Variants in SRP54 observed in about 807,000 individuals in gnomAD.
SRP54 encodes the protein signal recognition particle 54.
SRP54 carries 10 observed loss-of-function variants against 64.8 expected under a neutral mutation model. The observed-to-expected ratio is 0.15, with a 90% CI of 0.10 to 0.26. The LOEUF (loss-of-function observed/expected upper bound fraction) is 0.26. SRP54 is among the 10% of genes least tolerant of loss of function. SRP54 has a pLI of 1.00. For synonymous variants in SRP54, 193 were observed against 185.6 expected (o/e 1.04, Z -0.32); for missense variants, 325 against 613.7 (o/e 0.53, Z 4.97).
At chr14:34,996,219 C>T (rs1018460098) in intron 1 of SRP54, among the ~76,000 whole-genome samples, 1 of 151,932 alleles carries the variant, frequency 6.6e-6, no homozygotes, top group Non-Finnish European at 1.5e-5. Flanking sequence ...TTATTAAAAC[C>T]TTTTTTCTTT....
chr14:34,994,407 G>C (rs2044033297), intron 1 of SRP54, among the ~76,000 whole-genome samples: 1 of 152,162 alleles, frequency 6.6e-6, no homozygotes, highest in Non-Finnish European at 1.5e-5. Context: ...TACCAAAACA[G>C]TTGTTTTGAA....
chr14:34,988,292 G>A (rs8004112), intron 1 of SRP54, among the ~76,000 whole-genome samples: 4 of 151,430 alleles, frequency 2.6e-5, no homozygotes, highest in Non-Finnish European at 4.4e-5. Context: ...AGCTGGGTGC[G>A]GTGGTTCACG....
chr14:35,014,621 A>T, intron 10 of SRP54, 123 bp from the exon 11 acceptor site: 1 of 714,836 alleles, frequency 1.4e-6, no homozygotes, highest in Non-Finnish European at 2.3e-6. Flanking sequence ...TCATTTGTGT[A>T]GTGTAGTAAG....
chr14:35,011,674 A>G lies in SRP54; in HGVS notation c.636+15A>G, dbSNP rs753737708. 28 of 1,505,320 alleles carry G rather than the reference A, an allele frequency of 1.9e-5. No individual in the cohort carries two copies. Among genetic ancestry groups the G allele is most frequent in the Middle Eastern group, 1.9e-4 (1 of 5,210 alleles). 93.2% of individuals were successfully genotyped at this position (1,505,320 alleles called of 1,614,324 possible). On this transcript the variant is annotated intron_variant, in intron 8 of 15. Coordinates refer to ENST00000216774, the MANE Select transcript of SRP54 (RefSeq NM_003136.4). ...CTAATGCTATAGTAAGTAGCTTTCAATGTAACACTATTATTAGGACTTTGG... is the reference window on the plus strand; with the variant it reads ...CTAATGCTATAGTAAGTAGCTTTCAGTGTAACACTATTATTAGGACTTTGG...
Position 34,995,134 on chromosome 14 carries a change from GGTGTGTGTGTGTGT to G in SRP54, c.-33-1502_-33-1489del, listed in dbSNP as rs35829734. ...TTCCAGAGAAGCAGAATCAATAAAG[GGTGTGTGTGTGTGT>G]GTGTGTGTGTGTGTGTGTGTGTGTG... is the stretch of plus-strand genomic sequence containing the variant. On this transcript the variant is annotated intron_variant, in intron 1 of 15. Coordinates refer to ENST00000216774, the MANE Select transcript of SRP54 (RefSeq NM_003136.4). Among the ~76,000 whole-genome samples, 110 of 70,328 alleles carry G rather than the reference GGTGTGTGTGTGTGT, an allele frequency of 1.6e-3. 1 individual carries two copies. Among genetic ancestry groups the G allele is most frequent in the Admixed American group, 5.0e-3 (31 of 6,196 alleles). The allele number at this position is 70,328 out of a possible 152,430, so 46.1% of individuals were successfully genotyped here.
intron 10 of SRP54, among the ~76,000 whole-genome samples, chr14:35,014,478 C>T (rs1479299321): frequency 6.6e-6 from 1 of 151,932 alleles, no homozygotes; most frequent in Non-Finnish European, 1.5e-5. Flanking sequence ...CGGGGTTTCA[C>T]CATGTTGGCC....
At position 35,024,454 on chromosome 14, in the gene SRP54, A is replaced by G. The variant is rs139149375; in HGVS notation, c.1327+1374A>G. ...AATCACCTCTTCATGTTCCCTGTCC[A>G]GTTCTTCCATTTTTCCCCCTTATAT... On this transcript the variant is annotated intron_variant, in intron 14 of 15. Coordinates refer to ENST00000216774, the MANE Select transcript of SRP54 (RefSeq NM_003136.4). Among the ~76,000 whole-genome samples, 510 of 152,132 alleles carry G rather than the reference A, an allele frequency of 3.4e-3. 3 individuals are homozygous for G. The highest frequency in any genetic ancestry group is 0.011 in the African/African-American group (446 of 41,488).
chr14:35,015,514 A>C (rs1029258411), intron 11 of SRP54, among the ~76,000 whole-genome samples: 1 of 152,242 alleles, frequency 6.6e-6, no homozygotes, highest in African/African-American at 2.4e-5. Flanking sequence ...AGGTTCTTAA[A>C]TATAACATAC....
At chr14:35,010,412 C>G (rs1249842151) in intron 7 of SRP54, among the ~76,000 whole-genome samples, 2 of 152,070 alleles carry the variant, frequency 1.3e-5, no homozygotes, top group Non-Finnish European at 2.9e-5. Context: ...CATCATTGCA[C>G]TCCACCATGG....
intron 8 of SRP54, among the ~76,000 whole-genome samples, chr14:35,012,847 T>A (rs2044376396): frequency 6.6e-6 from 1 of 152,154 alleles, no homozygotes; most frequent in South Asian, 2.1e-4. Context: ...CTCATTTACC[T>A]TTTTGTTCTC....
chr14:35,023,492 C>T (rs773220989), intron 14 of SRP54, among the ~76,000 whole-genome samples: 3 of 151,906 alleles, frequency 2.0e-5, no homozygotes, highest in Non-Finnish European at 4.4e-5. Context: ...TTCTTCAAAA[C>T]ATAATTCTTG....
intron 1 of SRP54, among the ~76,000 whole-genome samples, 191 bp downstream of exon 1, chr14:34,983,406 C>T (rs1287265241): frequency 1.3e-5 from 2 of 152,198 alleles, no homozygotes; most frequent in Non-Finnish European, 2.9e-5. Flanking sequence ...CGCTGTGCCC[C>T]TTTTGAGTTG....
intron 14 of SRP54, among the ~76,000 whole-genome samples, chr14:35,025,003 G>A (rs573198820): frequency 3.3e-5 from 5 of 152,046 alleles, no homozygotes; most frequent in Non-Finnish European, 2.9e-5. Flanking sequence ...AATGCTCTGG[G>A]ATTACAGGCA....
rs139355325 is a variant in SRP54 at position 35,010,829 on chromosome 14, G to A, written c.486-680G>A. Among the ~76,000 whole-genome samples, 310 of 152,146 alleles carry A rather than the reference G, an allele frequency of 2.0e-3. 1 individual carries two copies. The highest frequency in any genetic ancestry group is 7.0e-3 in the African/African-American group (291 of 41,534). ...TTGGAAAAACGTCAAATGTCTAATA[G>A]TAGGGCGTTATTTAATAAATGATAC... On this transcript the variant is annotated intron_variant, in intron 7 of 15. Transcript: ENST00000216774.
Position 35,013,794 on chromosome 14 carries a change from T to G in SRP54, c.786-8T>G. The G allele has an allele frequency of 6.3e-7, 1 of 1,599,170 alleles. No individual in the cohort carries two copies. The highest frequency in any genetic ancestry group is 8.5e-7 in the Non-Finnish European group (1 of 1,175,170). ...TGAGGTTATTTTATATTTTCTTTTT[T>G]TTTCCAGAGTCGCTGCCACAAAAAG... On this transcript the variant is annotated splice_region_variant and splice_polypyrimidine_tract_variant and intron_variant, in intron 9 of 15. Coordinates refer to ENST00000216774, the MANE Select transcript of SRP54 (RefSeq NM_003136.4).
chr14:35,003,998 A>T (rs549325151), intron 4 of SRP54, among the ~76,000 whole-genome samples: 2 of 151,540 alleles, frequency 1.3e-5, no homozygotes, highest in Non-Finnish European at 2.9e-5. Flanking sequence ...TAATCCCAGT[A>T]CTTTGGCAGG....
chr14:35,023,616 T>C (rs973334272), intron 14 of SRP54, among the ~76,000 whole-genome samples: 2 of 152,022 alleles, frequency 1.3e-5, no homozygotes, highest in African/African-American at 4.8e-5. Context: ...AAACCCTGCC[T>C]CTACTTAAAA....
rs561155021 is a variant in SRP54, at chr14:35,028,561, C to T, written c.1423+378C>T. Among the ~76,000 whole-genome samples the T allele has an allele frequency of 6.6e-5, 10 of 152,188 alleles. No homozygotes were observed. In the South Asian group the frequency reaches 1.2e-3, roughly 19 times the overall value. ...ACTTTCTGAACCTCACTTTCCCCTT[C>T]GGTAAAATCACAGATCATATCTCAT... On this transcript the variant is annotated intron_variant, in intron 15 of 15. Coordinates refer to ENST00000216774, the MANE Select transcript of SRP54 (RefSeq NM_003136.4).
At chr14:35,012,420 C>T (rs574014107) in intron 8 of SRP54, among the ~76,000 whole-genome samples, 2 of 152,076 alleles carry the variant, frequency 1.3e-5, no homozygotes, top group African/African-American at 4.8e-5. Flanking sequence ...TATTAGGAAC[C>T]CACGTCTTGA....
Sources: gnomAD v4.1 joint callset for allele counts (sites outside exome capture counted in the v4.1 genomes callset) on GRCh38, gnomAD v4.1.1 for gene constraint, MANE v1.5 for transcripts, NCBI Gene and HGNC (gene_info 2026-07-23, HGNC 2026-07-21) for gene names.